STS: variants seen among roughly 807,000 people sequenced by gnomAD.
STS encodes the protein steroid sulfatase.
In STS, 7 loss-of-function variants were observed where a neutral mutation model predicts 26.8. The ratio of observed to expected loss-of-function variants is 0.26; its 90% confidence interval spans 0.15 to 0.49. The LOEUF is 0.49. STS is among the 20% of genes least tolerant of loss of function. STS has a pLI of 0.98. For synonymous variants in STS, 199 were observed against 189.4 expected (o/e 1.05, Z -0.42); for missense variants, 434 against 465.6 (o/e 0.93, Z 0.63).
chrX:7,326,059 C>T (rs1400921554), intron 9 of STS, among the ~76,000 whole-genome samples: 1 of 111,338 alleles, frequency 9.0e-6, no homozygotes, highest in Non-Finnish European at 1.9e-5. Context: ...GTTCTTACGA[C>T]CTGCATTGGG....
chrX:7,312,024 C>CGCAA (rs1413152384), intron 8 of STS, among the ~76,000 whole-genome samples: 8 of 111,453 alleles, frequency 7.2e-5, no homozygotes, highest in African/African-American at 2.3e-4. Flanking sequence ...AAGACCCTGT[C>CGCAA]TCAAACAAAC....
At chrX:7,323,928 T>C (rs1837228950) in intron 8 of STS, among the ~76,000 whole-genome samples, 2 of 110,734 alleles carry the variant, frequency 1.8e-5, no homozygotes, top group South Asian at 7.8e-4. Flanking sequence ...CCCCTCCACT[T>C]CTCTGACTCC....
chrX:7,257,263 G>T lies in STS; in HGVS notation c.159G>T (p.Leu53Phe). Residue 53 changes from leucine to phenylalanine, a missense_variant, in exon 4 of 11, where the codon TTG (leucine) becomes TTT (phenylalanine). This residue lies in a region of STS where 229 missense variants were observed against 288.3 expected (regional missense o/e 0.79). Coordinates refer to ENST00000674429, the MANE Select transcript of STS (RefSeq NM_001320752.2). Reference sequence around the variant, plus strand: ...CTAGGACTCCCAATATCGACCGGTTGGCCAGTGGGGGAGTGAAACTCACTC... The same window carrying T: ...CTAGGACTCCCAATATCGACCGGTTTGCCAGTGGGGGAGTGAAACTCACTC... ...KTIRTPNIDRLASGGVKLTQH... is the reference protein window; with the variant it reads ...KTIRTPNIDRFASGGVKLTQH... 2 of 1,210,954 alleles carry T rather than the reference G, an allele frequency of 1.7e-6. No individual in the cohort carries two copies. Among genetic ancestry groups the T allele is most frequent in the Non-Finnish European group, 2.2e-6 (2 of 895,166 alleles).
At chrX:7,291,339 C>T (rs1335467805) in intron 7 of STS, among the ~76,000 whole-genome samples, 1 of 111,643 alleles carries the variant, frequency 9.0e-6, no homozygotes, top group Non-Finnish European at 1.9e-5. Context: ...TTAATGCTTT[C>T]TTGGGGAGGT....
chrX:7,261,548 T>G (rs1923748997), intron 6 of STS, among the ~76,000 whole-genome samples: 1 of 111,474 alleles, frequency 9.0e-6, no homozygotes, highest in African/African-American at 3.3e-5. Flanking sequence ...TTTCCTCACA[T>G]GGAAGATGTT....
intron 7 of STS, among the ~76,000 whole-genome samples, chrX:7,304,201 T>A (rs1284770579): frequency 1.8e-5 from 2 of 112,055 alleles, no homozygotes; most frequent in Non-Finnish European, 3.8e-5. Context: ...CTTGAACAAA[T>A]CGGCCTTTTA....
chrX:7,326,913 A>AAC (rs1219910094), intron 9 of STS, among the ~76,000 whole-genome samples: 2 of 111,316 alleles, frequency 1.8e-5, no homozygotes, highest in African/African-American at 6.5e-5. Flanking sequence ...ACCCTTCCTC[A>AAC]ACACACACAC....
chrX:7,175,431 C>T (rs751869016), intron 1 of STS, among the ~76,000 whole-genome samples: 3 of 110,801 alleles, frequency 2.7e-5, no homozygotes, highest in Non-Finnish European at 5.7e-5. Flanking sequence ...AAGGTTGAGG[C>T]TGCAGTGAGC....
rs1927373599 is a variant in STS, at chrX:7,325,321, T to C, written c.1082-18T>C. On this transcript the variant is annotated intron_variant, in intron 8 of 10. Coordinates refer to ENST00000674429, the MANE Select transcript of STS (RefSeq NM_001320752.2). ...TGAAATCTCCCTGTTGCCTCTTACC[T>C]CTTTTTTGATCTTTTAGGAGGAAAA... is the stretch of plus-strand genomic sequence containing the variant. 4 of 1,209,985 alleles carry C rather than the reference T, an allele frequency of 3.3e-6. No homozygotes were observed. The highest frequency in any genetic ancestry group is 4.5e-6 in the Non-Finnish European group (4 of 894,430).
intron 1 of STS, among the ~76,000 whole-genome samples, chrX:7,182,348 C>A (rs1261020302): frequency 1.8e-5 from 2 of 109,289 alleles, no homozygotes; most frequent in Non-Finnish European, 3.8e-5. Context: ...TGAGCGAATT[C>A]TGTTCCCCTG....
At chrX:7,273,499 G>T (rs1249891294) in intron 6 of STS, among the ~76,000 whole-genome samples, 2 of 111,587 alleles carry the variant, frequency 1.8e-5, no homozygotes, top group African/African-American at 6.5e-5. Context: ...GTGGGTCCTA[G>T]CACTCCCATT....
chrX:7,215,668 G>A (rs1044984020), intron 2 of STS, among the ~76,000 whole-genome samples: 1 of 111,299 alleles, frequency 9.0e-6, no homozygotes, highest in Admixed American at 9.6e-5. Context: ...TCTGGCCAAG[G>A]AAAGTCAACA....
At chrX:7,324,029 C>T (rs1927222736) in intron 8 of STS, among the ~76,000 whole-genome samples, 1 of 111,703 alleles carries the variant, frequency 9.0e-6, no homozygotes, top group Non-Finnish European at 1.9e-5. Flanking sequence ...TGACACAGCC[C>T]CGGGAGATCC....
At chrX:7,301,060 G>C (rs1343108327) in intron 7 of STS, among the ~76,000 whole-genome samples, 1 of 110,878 alleles carries the variant, frequency 9.0e-6, no homozygotes, top group Admixed American at 9.7e-5. Context: ...TGTAAGGTGG[G>C]CACTTCATAA....
intron 1 of STS, among the ~76,000 whole-genome samples, chrX:7,187,566 C>A (rs1933796587): frequency 1.8e-5 from 2 of 112,169 alleles, no homozygotes; most frequent in South Asian, 3.7e-4. Flanking sequence ...GAAATGCATT[C>A]TCTTCTTCTT....
intron 1 of STS, among the ~76,000 whole-genome samples, chrX:7,179,058 A>G (rs1933630529): frequency 9.1e-6 from 1 of 110,062 alleles, no homozygotes; most frequent in Admixed American, 9.7e-5. Context: ...AGTCCTCATG[A>G]AAGTAGTAAC....
At position 7,305,186 on chromosome X, in the gene STS, G is replaced by A. The variant is rs767354448; in HGVS notation, c.1081+3G>A. On this transcript the variant is annotated splice_donor_region_variant and intron_variant, in intron 8 of 10. Transcript: ENST00000674429. ...CGGAAGTAATGGGATCTATAAAGGT[G>A]AGAAATGCTGGGATGGAGAAGCTCT... 1 of 1,209,752 alleles carries A rather than the reference G, an allele frequency of 8.3e-7. No homozygotes were observed. The highest frequency in any genetic ancestry group is 1.1e-6 in the Non-Finnish European group (1 of 894,183).
chrX:7,320,061 A>ATT (rs1569224509), intron 8 of STS, among the ~76,000 whole-genome samples: 6 of 91,546 alleles, frequency 6.6e-5, no homozygotes, highest in African/African-American at 2.5e-4. Flanking sequence ...ATTTATATAT[A>ATT]TATTTTATAT....
intron 1 of STS, among the ~76,000 whole-genome samples, chrX:7,162,730 C>G (rs1359912757): frequency 3.7e-5 from 4 of 108,260 alleles, no homozygotes; most frequent in African/African-American, 1.3e-4. Context: ...ATGACAATCT[C>G]TGGCCTGAAA....
Sources: allele counts gnomAD v4.1 joint callset (sites outside exome capture counted in the v4.1 genomes callset), GRCh38; gene constraint gnomAD v4.1.1; regional missense constraint gnomAD v4.1.1; transcripts MANE v1.5; gene names NCBI Gene and HGNC (gene_info 2026-07-23, HGNC 2026-07-21).